The following SEMA3E variants were observed in gnomAD, a reference collection of about 807,000 sequenced individuals.
The protein encoded by SEMA3E is semaphorin-3E.
SEMA3E carries 49 observed loss-of-function variants against 93.6 expected under a neutral mutation model. That is an observed-to-expected ratio of 0.52 (90% CI 0.42 to 0.66). The LOEUF (loss-of-function observed/expected upper bound fraction) is 0.66. SEMA3E is among the 30% of genes least tolerant of loss of function. The pLI, the probability that SEMA3E is intolerant of heterozygous loss-of-function variation, is 0.00. For synonymous variants in SEMA3E, 363 were observed against 330.7 expected, an observed-to-expected ratio of 1.10 and a Z score of -1.06; for missense variants, 906 against 964.8, an observed-to-expected ratio of 0.94 and a Z score of 0.81.
chr7:83,604,690 G>A (rs1027116949), intron 1 of SEMA3E, among the ~76,000 whole-genome samples: 3 of 151,708 alleles, frequency 2.0e-5, no homozygotes, highest in Non-Finnish European at 4.4e-5. Context: ...ATAGGTATAC[G>A]TGTGCCATGG....
chr7:83,570,552 C>CAAA (rs59715914), intron 1 of SEMA3E, among the ~76,000 whole-genome samples: 7 of 33,054 alleles, frequency 2.1e-4, no homozygotes, highest in Non-Finnish European at 2.8e-4. Flanking sequence ...GACTCCGTCT[C>CAAA]AAAAAAAAAA....
At position 83,611,994 on chromosome 7, in the gene SEMA3E, T is replaced by C. The variant is rs80172460; in HGVS notation, c.115+36434A>G. The stretch of plus-strand genomic sequence containing the variant: ...CCACTGTCCTCCCTGCTCCCTCCAC[T>C]GTTAGAATTCACAGAAGGTATTCTA... On this transcript the variant is annotated intron_variant, in intron 1 of 16. Transcript: ENST00000643230. Among the ~76,000 whole-genome samples, 1,318 of 152,242 alleles carry C rather than the reference T, an allele frequency of 8.7e-3. 16 individuals carry two copies. The highest frequency in any genetic ancestry group is 0.031 in the African/African-American group (1,276 of 41,550).
At chr7:83,492,809 T>C (rs1199346357) in intron 1 of SEMA3E, among the ~76,000 whole-genome samples, 2 of 151,998 alleles carry the variant, frequency 1.3e-5, no homozygotes, top group Non-Finnish European at 2.9e-5. Flanking sequence ...TATTTTATTT[T>C]ACTGGAGAAA....
intron 1 of SEMA3E, among the ~76,000 whole-genome samples, chr7:83,524,078 A>G (rs1172054131): frequency 1.3e-5 from 2 of 152,146 alleles, no homozygotes; most frequent in African/African-American, 2.4e-5. Context: ...AATATAAACC[A>G]ACAAGATTAC....
At chr7:83,368,389 G>A (rs1794706008) in intron 16 of SEMA3E, among the ~76,000 whole-genome samples, 1 of 152,126 alleles carries the variant, frequency 6.6e-6, no homozygotes, top group Non-Finnish European at 1.5e-5. Context: ...CAGTAAGAGT[G>A]AAAGGAAAAT....
At chr7:83,418,923 G>T (rs1280572604) in intron 4 of SEMA3E, among the ~76,000 whole-genome samples, 1 of 151,936 alleles carries the variant, frequency 6.6e-6, no homozygotes, top group African/African-American at 2.4e-5. Flanking sequence ...GATATAAGGG[G>T]TACATATGCA....
At chr7:83,414,071 G>A (rs1788495901) in intron 5 of SEMA3E, among the ~76,000 whole-genome samples, 1 of 152,200 alleles carries the variant, frequency 6.6e-6, no homozygotes, top group Non-Finnish European at 1.5e-5. Context: ...GAGAGAGCGA[G>A]CAGCAGCATT....
At chr7:83,635,312 A>G (rs1389546102) in intron 1 of SEMA3E, among the ~76,000 whole-genome samples, 1 of 151,914 alleles carries the variant, frequency 6.6e-6, no homozygotes, top group Non-Finnish European at 1.5e-5. Context: ...TTCTTTAAAC[A>G]TATATCATTT....
At chr7:83,407,688 C>T (rs538018629) in intron 6 of SEMA3E, among the ~76,000 whole-genome samples, 14 of 152,052 alleles carry the variant, frequency 9.2e-5, no homozygotes, top group East Asian at 1.9e-4. Flanking sequence ...ACCAGTATAG[C>T]GCATAGATCA....
chr7:83,502,999 T>C (rs1161451197), intron 1 of SEMA3E, among the ~76,000 whole-genome samples: 2 of 131,328 alleles, frequency 1.5e-5, no homozygotes, highest in African/African-American at 6.0e-5. Flanking sequence ...TATATATGAG[T>C]TTCTTTCTCT....
intron 1 of SEMA3E, among the ~76,000 whole-genome samples, chr7:83,605,545 C>T (rs2115998615): frequency 6.6e-6 from 1 of 152,046 alleles, no homozygotes; most frequent in East Asian, 1.9e-4. Flanking sequence ...ATTATCCTGC[C>T]TCAGCCTCCT....
intron 1 of SEMA3E, among the ~76,000 whole-genome samples, chr7:83,612,384 G>T (rs185593126): frequency 2.0e-5 from 3 of 152,002 alleles, no homozygotes; most frequent in Middle Eastern, 3.4e-3. Flanking sequence ...CAATTTTAAG[G>T]TCATACTATG....
intron 1 of SEMA3E, among the ~76,000 whole-genome samples, chr7:83,596,255 C>T (rs1379172818): frequency 6.6e-6 from 1 of 151,866 alleles, no homozygotes; most frequent in African/African-American, 2.4e-5. Context: ...TCCATCTTTT[C>T]TTTTCTGTCT....
At position 83,475,124 on chromosome 7, in the gene SEMA3E, C is replaced by T. The variant is rs529870935; in HGVS notation, c.277-5822G>A. ...ATCCATAATTCAGAATAATGCATTA[C>T]GGTTATTACATAACTTACGAGATAT... On this transcript the variant is annotated intron_variant, in intron 2 of 16. Transcript: ENST00000643230. Among the ~76,000 whole-genome samples the T allele has an allele frequency of 3.3e-5, 5 of 151,934 alleles. No individual in the cohort carries two copies. The South Asian group carries it at 8.3e-4, about 25-fold the overall frequency.
chr7:83,542,027 C>T (rs959158946), intron 1 of SEMA3E, among the ~76,000 whole-genome samples: 1 of 151,984 alleles, frequency 6.6e-6, no homozygotes. Context: ...CTTGAATACT[C>T]CTACTGTGTA....
intron 1 of SEMA3E, among the ~76,000 whole-genome samples, chr7:83,579,562 A>T (rs956201748): frequency 6.6e-6 from 1 of 152,132 alleles, no homozygotes; most frequent in Non-Finnish European, 1.5e-5. Context: ...TTGTAGCAAG[A>T]CAACCATTGG....
At chr7:83,396,177 ATTG>A (rs936892736) in intron 12 of SEMA3E, among the ~76,000 whole-genome samples, 1 of 151,778 alleles carries the variant, frequency 6.6e-6, no homozygotes. Flanking sequence ...TGCATATGTA[ATTG>A]TTTTTTCATG....
At chr7:83,497,478 T>A (rs747487637) in intron 1 of SEMA3E, among the ~76,000 whole-genome samples, 5 of 152,076 alleles carry the variant, frequency 3.3e-5, no homozygotes, top group Non-Finnish European at 7.4e-5. Context: ...ACAAAAAAAA[T>A]TGAATTTCAG....
chr7:83,487,286 T>C (rs1790278206), intron 2 of SEMA3E, among the ~76,000 whole-genome samples: 1 of 152,146 alleles, frequency 6.6e-6, no homozygotes, highest in South Asian at 2.1e-4. Context: ...TTTGTGTACA[T>C]GAGTCACCTA....
Sources: allele counts gnomAD v4.1 joint callset (sites outside exome capture counted in the v4.1 genomes callset), GRCh38; gene constraint gnomAD v4.1.1; transcripts MANE v1.5; gene names NCBI Gene and HGNC (gene_info 2026-07-23, HGNC 2026-07-21).